TEP1: variants seen among roughly 807,000 people sequenced by gnomAD.
TEP1 encodes the protein telomerase protein component 1.
TEP1 carries 241 observed loss-of-function variants against 306.3 expected under a neutral mutation model. That is an observed-to-expected ratio of 0.79 (90% CI 0.71 to 0.88). TEP1 has a LOEUF of 0.88. TEP1 is among the 40% of genes least tolerant of loss of function. The pLI is 0.00. For missense variants in TEP1, 3,051 were observed against 3,276.1 expected (o/e 0.93, Z 1.68); for synonymous variants, 1,289 against 1,305.5 (o/e 0.99, Z 0.27).
intron 49 of TEP1, among the ~76,000 whole-genome samples, chr14:20,371,917 C>T (rs1252916913): frequency 6.6e-6 from 1 of 152,030 alleles, no homozygotes. Context: ...TGCCTAAATC[C>T]GTATCTCCCC....
chr14:20,367,364 A>T lies in TEP1; in HGVS notation c.*1073T>A, dbSNP rs1052177874. The T allele has an allele frequency of 4.9e-5, 7 of 142,104 alleles. No individual in the cohort carries two copies. The highest frequency in any genetic ancestry group is 2.1e-4 in the African/African-American group (7 of 33,992). The allele number at this position is 142,104 out of a possible 1,614,324, so 8.8% of individuals were successfully genotyped here. A position where few individuals can be genotyped will look rare whatever the true frequency, so the allele number is the denominator to read the frequency against. The stretch of plus-strand genomic sequence containing the variant: ...GGTGACAGAGCCAGACTCTATCTCA[A>T]AAACAAAAAAAAAAAAAAAAGGTTT... On this transcript the variant is annotated 3_prime_UTR_variant, in exon 55 of 55. Coordinates refer to ENST00000262715, the MANE Select transcript of TEP1 (RefSeq NM_007110.5).
chr14:20,400,884 T>C, intron 9 of TEP1, 100 bp downstream of exon 9: 2 of 1,448,070 alleles, frequency 1.4e-6, no homozygotes, highest in Non-Finnish European at 1.9e-6. Context: ...GGCAAAGTAA[T>C]AACTTCATCA....
chr14:20,408,416 C>T lies in TEP1; in HGVS notation c.24G>A (p.Val8=). ...AGGAGAGGATGTCTGGATGGGCAGA[C>T]ACATGCCCATGGAGTTTTTCCATGG... MEKLHGH[V]SAHPDILSLE... The change falls in exon 2 of 55, where the codon GTG becomes GTA. Residue 8 remains valine (V), a synonymous_variant. Coordinates refer to ENST00000262715, the MANE Select transcript of TEP1 (RefSeq NM_007110.5). 6.2e-7 allele frequency: 1 copy of T among 1,613,580 alleles called. No homozygotes were observed. Among genetic ancestry groups the T allele is most frequent in the South Asian group, 1.1e-5 (1 of 91,044 alleles).
intron 9 of TEP1, among the ~76,000 whole-genome samples, chr14:20,399,840 G>C (rs1044356962): frequency 1.3e-5 from 2 of 151,936 alleles, no homozygotes; most frequent in Non-Finnish European, 2.9e-5. Flanking sequence ...CAACCAGAGG[G>C]AGGAAGTGGA....
chr14:20,389,581 C>T, intron 16 of TEP1, 29 bp downstream of exon 16: 1 of 1,610,814 alleles, frequency 6.2e-7, no homozygotes, highest in Non-Finnish European at 8.5e-7. Context: ...TGATTTCTGA[C>T]ACTGGGCAGG....
intron 49 of TEP1, 144 bp downstream of exon 49, chr14:20,372,589 T>C: frequency 1.5e-6 from 2 of 1,308,546 alleles, no homozygotes; most frequent in Non-Finnish European, 2.2e-6. Flanking sequence ...TACATTGCCA[T>C]GGACAGAAGC....
chr14:20,394,853 G>A (rs1045989701), intron 12 of TEP1, among the ~76,000 whole-genome samples: 7 of 152,154 alleles, frequency 4.6e-5, no homozygotes, highest in African/African-American at 1.7e-4. Flanking sequence ...CCTAGTTACT[G>A]AGCCCTCTAG....
chr14:20,369,004 G>C, intron 53 of TEP1, 102 bp from the exon 54 acceptor site: 2 of 788,098 alleles, frequency 2.5e-6, no homozygotes, highest in South Asian at 3.5e-5. Context: ...TCCTCCCTTA[G>C]TATTTCTTTT....
chr14:20,374,561 T>C (rs1885059560), intron 43 of TEP1, 25 bp from the exon 44 acceptor site: 3 of 1,558,806 alleles, frequency 1.9e-6, no homozygotes, highest in Non-Finnish European at 2.6e-6. Flanking sequence ...GTCAGAGGAG[T>C]GGGATTATCA....
chr14:20,381,846 G>A lies in TEP1; in HGVS notation c.4424+67C>T. Reference sequence around the variant, plus strand: ...GGGAGCCAGTTGTTGAAGCTATACAGAGGGCCCCGGCTCAAAGAAGGGAAG... The same window carrying A: ...GGGAGCCAGTTGTTGAAGCTATACAAAGGGCCCCGGCTCAAAGAAGGGAAG... On this transcript the variant is annotated intron_variant, in intron 30 of 54. Transcript: ENST00000262715. This position sits in a 1 kb window ranked among gnomAD's most constrained non-coding sequence, Gnocchi z 4.0. 1 of 1,588,526 alleles carries A rather than the reference G, an allele frequency of 6.3e-7. No individual in the cohort carries two copies. The highest frequency in any genetic ancestry group is 8.6e-7 in the Non-Finnish European group (1 of 1,168,498).
In TEP1 at chr14:20,387,551, C is replaced by CAAAAAAAAAAAAAA. The variant is rs34816712; in HGVS notation, c.2684+353_2684+354insTTTTTTTTTTTTTT. 1.6e-4 allele frequency among the ~76,000 whole-genome samples: 21 copies of CAAAAAAAAAAAAAA among 127,656 alleles called. 1 individual carries two copies. Among genetic ancestry groups the CAAAAAAAAAAAAAA allele is most frequent in the African/African-American group, 2.7e-4 (9 of 33,874 alleles). 83.7% of individuals were successfully genotyped at this position (127,656 alleles called of 152,430 possible). ...TGGGCGACACAGCGAGACTCCGTCT[C>CAAAAAAAAAAAAAA]AAAAAAAAAAAGAAATTAAGCAACT... is the stretch of plus-strand genomic sequence containing the variant. On this transcript the variant is annotated intron_variant, in intron 18 of 54. Coordinates refer to ENST00000262715, the MANE Select transcript of TEP1 (RefSeq NM_007110.5).
At position 20,386,131 on chromosome 14, in the gene TEP1, G is replaced by A. The variant is rs150739818; in HGVS notation, c.2926C>T (p.Arg976Cys). ...TAGCTGGGGGGAATGTATCCATAAC[G>A]GGAGCCCAGAATCCCCACAAACAGC... Reference protein sequence around the residue: ...AQLFVGILGSRYGYIPPSYNL... With the variant: ...AQLFVGILGSCYGYIPPSYNL... Residue 976 changes from arginine (R) to cysteine (C), a missense_variant, in exon 20 of 55, where the codon CGT becomes TGT. Coordinates refer to ENST00000262715, the MANE Select transcript of TEP1 (RefSeq NM_007110.5). 1.2e-4 allele frequency: 191 copies of A among 1,613,502 alleles called. No individual in the cohort carries two copies. Among genetic ancestry groups the A allele is most frequent in the Non-Finnish European group, 1.5e-4 (177 of 1,179,798 alleles).
At position 20,375,885 on chromosome 14, in the gene TEP1, G is replaced by A; in HGVS notation, c.6250-17C>T. The A allele has an allele frequency of 1.3e-6, 2 of 1,591,544 alleles. No homozygotes were observed. Among genetic ancestry groups the A allele is most frequent in the South Asian group, 1.1e-5 (1 of 90,408 alleles). On this transcript the variant is annotated splice_polypyrimidine_tract_variant and intron_variant, in intron 42 of 54. Transcript: ENST00000262715. ...GAGGAGACTCTGGATAGGCCCCAAG[G>A]AGAGGGAGCAATCAGGACCAAAGGA...
chr14:20,369,931 T>G (rs1884732227), intron 51 of TEP1, 152 bp from the exon 52 acceptor site: 3 of 600,438 alleles, frequency 5.0e-6, no homozygotes, highest in Non-Finnish European at 8.7e-6. Flanking sequence ...TTTTTTTTTT[T>G]GAGACGGAGT....
chr14:20,380,369 G>A lies in TEP1; in HGVS notation c.4869C>T (p.Leu1623=), dbSNP rs1487489382. Residue 1623 remains leucine, a synonymous_variant, in exon 34 of 55, where the codon CTC becomes CTT. Coordinates refer to ENST00000262715, the MANE Select transcript of TEP1 (RefSeq NM_007110.5). Reference sequence around the variant, plus strand: ...GCTGGTTGGCTGCCTGCTGGGGCAGGAGCCGGGGGTACTGGCTGAGGATTG... The same window carrying A: ...GCTGGTTGGCTGCCTGCTGGGGCAGAAGCCGGGGGTACTGGCTGAGGATTG... ...QASILSQYPR[L]LPQQAANQPL... 10 of 1,614,068 alleles carry A rather than the reference G, an allele frequency of 6.2e-6. No homozygotes were observed. Among genetic ancestry groups the A allele is most frequent in the Admixed American group, 1.7e-5 (1 of 60,004 alleles).
At chr14:20,389,147 T>TAAAA (rs74346293) in intron 17 of TEP1, 91 bp downstream of exon 17, 25 of 1,043,922 alleles carry the variant, frequency 2.4e-5, no homozygotes, top group Admixed American at 6.8e-5. Flanking sequence ...GATTCTGTCT[T>TAAAA]AAAAAAAAAA....
In TEP1 at chr14:20,396,734, TG is replaced by T; in HGVS notation, c.1550-5del. The T allele has an allele frequency of 6.3e-7, 1 of 1,599,274 alleles. No homozygotes were observed. Among genetic ancestry groups the T allele is most frequent in the Non-Finnish European group, 8.5e-7 (1 of 1,170,142 alleles). On this transcript the variant is annotated splice_polypyrimidine_tract_variant and splice_region_variant and intron_variant, in intron 9 of 54. Coordinates refer to ENST00000262715, the MANE Select transcript of TEP1 (RefSeq NM_007110.5). ...ATGAAGGGAAGCTTCCCATTTTCTG[TG>T]GAATGTGGGGCATAGAGTGAGAAAA...
chr14:20,387,686 T>A (rs1877322979), intron 18 of TEP1, among the ~76,000 whole-genome samples: 1 of 152,256 alleles, frequency 6.6e-6, no homozygotes, highest in Admixed American at 6.5e-5. Flanking sequence ...TCTGCCGTCA[T>A]CTTTGCATTC....
chr14:20,372,463 T>C (rs1209834023), intron 49 of TEP1, among the ~76,000 whole-genome samples: 1 of 152,038 alleles, frequency 6.6e-6, no homozygotes, highest in Non-Finnish European at 1.5e-5. Context: ...GGTTTAAATA[T>C]ATGCACATTC....
Sources: allele counts gnomAD v4.1 joint callset (sites outside exome capture counted in the v4.1 genomes callset), GRCh38; gene constraint gnomAD v4.1.1; non-coding constraint Gnocchi (gnomAD v3.1); transcripts MANE v1.5; gene names NCBI Gene and HGNC (gene_info 2026-07-23, HGNC 2026-07-21).